Variants in FGF14 observed in about 807,000 individuals in gnomAD.
FGF14 encodes fibroblast growth factor 14, also known as fibroblast growth factor homologous factor 4.
Under a neutral mutation model 25.5 loss-of-function variants are expected in FGF14, and 5 were observed. The ratio of observed to expected loss-of-function variants is 0.20; its 90% CI spans 0.10 to 0.41. FGF14 has a LOEUF of 0.41. FGF14 is among the 10% of genes least tolerant of loss of function. The pLI is 1.00. For missense variants in FGF14, 222 were observed against 320.1 expected, an observed-to-expected ratio of 0.69 and a Z score of 2.34; for synonymous variants, 138 against 118.3, an observed-to-expected ratio of 1.17 and a Z score of -1.08.
At chr13:101,779,660 TATAA>T (rs1360782245) in intron 3 of FGF14, among the ~76,000 whole-genome samples, 1 of 152,212 alleles carries the variant, frequency 6.6e-6, no homozygotes, top group Non-Finnish European at 1.5e-5. Context: ...AATCTGAAGG[TATAA>T]ATATTTTGGG....
chr13:102,004,388 C>T (rs985121631), intron 1 of FGF14, among the ~76,000 whole-genome samples: 1 of 152,120 alleles, frequency 6.6e-6, no homozygotes, highest in Non-Finnish European at 1.5e-5. Context: ...TTCACCATAC[C>T]ATAGACCAAG....
At chr13:101,890,371 C>T (rs1220569065) in intron 1 of FGF14, among the ~76,000 whole-genome samples, 4 of 152,070 alleles carry the variant, frequency 2.6e-5, no homozygotes, top group East Asian at 3.9e-4. Context: ...TCTTGGAAAA[C>T]GGACTAACGC....
chr13:102,105,154 T>A (rs769634425), intron 1 of FGF14, among the ~76,000 whole-genome samples: 2 of 152,226 alleles, frequency 1.3e-5, no homozygotes, highest in African/African-American at 2.4e-5. Context: ...TTGGCTCTTT[T>A]CTTAATGTCA....
chr13:101,959,569 G>C (rs528707152), intron 1 of FGF14, among the ~76,000 whole-genome samples: 9 of 152,238 alleles, frequency 5.9e-5, no homozygotes, highest in Non-Finnish European at 1.2e-4. Context: ...TGCACGTGCT[G>C]AGCTGTTATT....
At chr13:102,341,729 C>T (rs1711742744) in intron 1 of FGF14, among the ~76,000 whole-genome samples, 1 of 152,172 alleles carries the variant, frequency 6.6e-6, no homozygotes, top group African/African-American at 2.4e-5. Context: ...TATGGTATTA[C>T]TCTTCTTTTT....
intron 1 of FGF14, among the ~76,000 whole-genome samples, chr13:102,209,948 A>G (rs1218351175): frequency 6.6e-6 from 1 of 152,134 alleles, no homozygotes; most frequent in Non-Finnish European, 1.5e-5. Flanking sequence ...AAAATAAAAA[A>G]TTAAAATACA....
intron 2 of FGF14, among the ~76,000 whole-genome samples, chr13:101,873,094 G>T (rs1594563478): frequency 6.6e-6 from 1 of 151,750 alleles, no homozygotes; most frequent in East Asian, 1.9e-4. Context: ...CAGCTTTCCA[G>T]TTTAGTCTTT....
At chr13:102,194,398 T>C (rs1328941289) in intron 1 of FGF14, among the ~76,000 whole-genome samples, 2 of 150,686 alleles carry the variant, frequency 1.3e-5, no homozygotes, top group African/African-American at 2.5e-5. Flanking sequence ...AAGCCCCACA[T>C]GCATTAGCTA....
intron 3 of FGF14, among the ~76,000 whole-genome samples, chr13:101,811,047 C>T (rs1329535733): frequency 8.4e-6 from 1 of 118,382 alleles, no homozygotes; most frequent in South Asian, 3.4e-4. Context: ...CCCCGGCCCC[C>T]GCATTATCGA....
In FGF14 at chr13:102,400,594, G is replaced by A. The variant is rs2058680590; in HGVS notation, c.208+877C>T. On this transcript the variant is annotated intron_variant, in intron 1 of 4. Transcript: ENST00000376131. This position sits in a 1 kb window ranked among gnomAD's most constrained non-coding sequence, Gnocchi z 4.3. ...GCGGGGACGGGAACCCCTGGGATCCGACTCCCCAAATCAGATGCATTTGCA... is the reference window on the plus strand; with the variant it reads ...GCGGGGACGGGAACCCCTGGGATCCAACTCCCCAAATCAGATGCATTTGCA... 6.6e-6 allele frequency among the ~76,000 whole-genome samples: 1 copy of A among 152,148 alleles called. No homozygotes were observed. The highest frequency in any genetic ancestry group is 2.1e-4 in the South Asian group (1 of 4,824).
chr13:102,307,957 G>T (rs964874115), intron 1 of FGF14, among the ~76,000 whole-genome samples: 1 of 152,096 alleles, frequency 6.6e-6, no homozygotes, highest in Non-Finnish European at 1.5e-5. Flanking sequence ...CTGGGGCCTA[G>T]AAAATTTTAA....
At chr13:102,067,281 C>A (rs1350249969) in intron 1 of FGF14, among the ~76,000 whole-genome samples, 1 of 152,170 alleles carries the variant, frequency 6.6e-6, no homozygotes, top group Admixed American at 6.5e-5. Flanking sequence ...TAAATGACCA[C>A]TCAGCTACAG....
chr13:102,050,500 A>C (rs2042171045), intron 1 of FGF14, among the ~76,000 whole-genome samples: 1 of 152,194 alleles, frequency 6.6e-6, no homozygotes, highest in African/African-American at 2.4e-5. Context: ...CAAGATGCCC[A>C]TATATTTCTT....
chr13:102,326,688 GGGAAGGGAAGGAAGGAAGGAAGGAA>G lies in FGF14; in HGVS notation c.208+74758_208+74782del, dbSNP rs1241288544. 1.9e-4 allele frequency among the ~76,000 whole-genome samples: 11 copies of G among 58,358 alleles called. No homozygotes were observed. The East Asian group carries it at 2.8e-3, about 15-fold the overall frequency. 38.3% of individuals were successfully genotyped at this position (58,358 alleles called of 152,430 possible). ...GGGAGGGGAAGGGAAGGGAAGGGAA[GGGAAGGGAAGGAAGGAAGGAAGGAA>G]GGAAGGAAGGAAGGAAGGAAGGAAG... On this transcript the variant is annotated intron_variant, in intron 1 of 4. Transcript: ENST00000376131.
chr13:102,023,004 C>T (rs1054683738), intron 1 of FGF14, among the ~76,000 whole-genome samples: 1 of 151,080 alleles, frequency 6.6e-6, no homozygotes, highest in Admixed American at 6.6e-5. Flanking sequence ...AATTTACAGT[C>T]AATTAGGAAA....
At position 101,974,733 on chromosome 13, in the gene FGF14, T is replaced by C. The variant is rs568243191; in HGVS notation, c.209-99437A>G. Among the ~76,000 whole-genome samples the C allele has an allele frequency of 4.7e-4, 71 of 151,966 alleles. No homozygotes were observed. The South Asian group carries it at 0.014, about 31-fold the overall frequency. On this transcript the variant is annotated intron_variant, in intron 1 of 4. Transcript: ENST00000376131. ...AGTTAAAAAACAATCTCACGGACAG[T>C]GGAAAAAAAACTAGTGAACCACAGG...
chr13:101,828,978 A>T (rs1377393793), intron 3 of FGF14, among the ~76,000 whole-genome samples: 1 of 152,098 alleles, frequency 6.6e-6, no homozygotes, highest in Admixed American at 6.6e-5. Context: ...AGTAAAGGTC[A>T]GGGAAATTCA....
intron 3 of FGF14, among the ~76,000 whole-genome samples, chr13:101,731,857 T>C (rs1387058262): frequency 6.6e-6 from 1 of 152,202 alleles, no homozygotes; most frequent in African/African-American, 2.4e-5. Context: ...TTATATATTG[T>C]CTGTGTCTGC....
At chr13:102,369,398 C>T (rs1416672125) in intron 1 of FGF14, among the ~76,000 whole-genome samples, 1 of 152,188 alleles carries the variant, frequency 6.6e-6, no homozygotes, top group Non-Finnish European at 1.5e-5. Flanking sequence ...ATGAGATGTG[C>T]TGTGGGAATA....
Sources: gnomAD v4.1 joint callset for allele counts (sites outside exome capture counted in the v4.1 genomes callset) on GRCh38, gnomAD v4.1.1 for gene constraint, Gnocchi (gnomAD v3.1) non-coding constraint, MANE v1.5 for transcripts, NCBI Gene and HGNC (gene_info 2026-07-23, HGNC 2026-07-21) for gene names.